Variants in RBM19 observed in about 807,000 individuals in gnomAD.
The protein encoded by RBM19 is probable RNA-binding protein 19.
A neutral mutation model predicts 116.8 loss-of-function variants in RBM19; 94 were observed. The ratio of observed to expected loss-of-function variants is 0.80; its 90% CI spans 0.68 to 0.95. The LOEUF (loss-of-function observed/expected upper bound fraction) is 0.95, where lower values mean the gene tolerates loss of function less well. RBM19 is among the 40% of genes least tolerant of loss of function. The pLI is 0.00. For synonymous variants in RBM19, 475 were observed against 494.1 expected (o/e 0.96, Z 0.51); for missense variants, 1,161 against 1,220.7 (o/e 0.95, Z 0.73).
intron 15 of RBM19, among the ~76,000 whole-genome samples, chr12:113,938,331 A>G (rs542711633): frequency 4.6e-5 from 7 of 152,264 alleles, no homozygotes; most frequent in South Asian, 4.1e-4. Context: ...CAGAGTCCCA[A>G]GCTAAAGACT....
At chr12:113,937,819 G>T (rs1220538805) in intron 15 of RBM19, among the ~76,000 whole-genome samples, 1 of 151,282 alleles carries the variant, frequency 6.6e-6, no homozygotes, top group East Asian at 1.9e-4. Flanking sequence ...AGACACTGAT[G>T]ACACCTGCCT....
chr12:113,875,122 G>T (rs1211755027), intron 21 of RBM19, among the ~76,000 whole-genome samples: 1 of 152,274 alleles, frequency 6.6e-6, no homozygotes, highest in African/African-American at 2.4e-5. Flanking sequence ...AGCGTTGGAG[G>T]CCTCCCAGGG....
At chr12:113,915,231 G>T in intron 20 of RBM19, 146 bp from the exon 21 acceptor site, 1 of 698,402 alleles carries the variant, frequency 1.4e-6, no homozygotes. Flanking sequence ...GAAAGGAGAG[G>T]AAGGCCGTCT....
intron 16 of RBM19, among the ~76,000 whole-genome samples, chr12:113,934,547 T>C (rs991541314): frequency 6.6e-6 from 1 of 152,176 alleles, no homozygotes; most frequent in Non-Finnish European, 1.5e-5. Context: ...GGCACGTTCA[T>C]GGGTGCTAGG....
At chr12:113,849,426 C>T (rs541476859) in intron 22 of RBM19, among the ~76,000 whole-genome samples, 1 of 152,372 alleles carries the variant, frequency 6.6e-6, no homozygotes, top group African/African-American at 2.4e-5. Context: ...CTTAGACGTC[C>T]TGCCACAGTT....
At chr12:113,941,067 GGGAATAAGTCTTA>G (rs1442746601) in intron 14 of RBM19, among the ~76,000 whole-genome samples, 2 of 152,320 alleles carry the variant, frequency 1.3e-5, no homozygotes, top group East Asian at 3.9e-4. Flanking sequence ...TGGCCTATCT[GGGAATAAGTCTTA>G]GCTCAGCCGC....
At chr12:113,907,402 A>C (rs1383080438) in intron 21 of RBM19, among the ~76,000 whole-genome samples, 1 of 152,200 alleles carries the variant, frequency 6.6e-6, no homozygotes, top group African/African-American at 2.4e-5. Flanking sequence ...ACGCCAGAGG[A>C]ATGCCAGGGG....
In RBM19 at chr12:113,955,224, A is replaced by G. The variant is rs1871823150; in HGVS notation, c.841-13T>C. Reference sequence around the variant, plus strand: ...CTGGTTTCTCTGTCTGAGTGATCACAAAAACAAACAGAAGTGGCCACACTA... The same window carrying G: ...CTGGTTTCTCTGTCTGAGTGATCACGAAAACAAACAGAAGTGGCCACACTA... On this transcript the variant is annotated splice_polypyrimidine_tract_variant and intron_variant, in intron 6 of 23. Coordinates refer to ENST00000261741, the MANE Select transcript of RBM19 (RefSeq NM_016196.4). 1 of 1,611,944 alleles carries G rather than the reference A, an allele frequency of 6.2e-7. No individual in the cohort carries two copies. The highest frequency in any genetic ancestry group is 1.3e-5 in the African/African-American group (1 of 74,880).
intron 11 of RBM19, among the ~76,000 whole-genome samples, chr12:113,947,021 T>C (rs1871083237): frequency 6.6e-6 from 1 of 152,206 alleles, no homozygotes; most frequent in Non-Finnish European, 1.5e-5. Context: ...TTCTTACTCC[T>C]CTTCTAAGGT....
intron 21 of RBM19, among the ~76,000 whole-genome samples, chr12:113,884,298 T>A (rs142349505): frequency 7.3e-6 from 1 of 137,298 alleles, no homozygotes; most frequent in Non-Finnish European, 1.5e-5. Context: ...AAAAAAAGTA[T>A]ACACACACAC....
At chr12:113,834,446 C>A (rs557795234) in intron 23 of RBM19, among the ~76,000 whole-genome samples, 8 of 152,282 alleles carry the variant, frequency 5.3e-5, no homozygotes, top group Admixed American at 5.2e-4. Context: ...ATAAGGGCAG[C>A]CACTTCAGAA....
chr12:113,927,478 A>C, intron 16 of RBM19: 5 of 451,500 alleles, frequency 1.1e-5, no homozygotes, highest in East Asian at 3.4e-5. Flanking sequence ...CAGCCCTCAA[A>C]TGGAGCCTTA....
chr12:113,839,306 T>C (rs745464465), intron 23 of RBM19, among the ~76,000 whole-genome samples: 48 of 152,354 alleles, frequency 3.2e-4, no homozygotes, highest in Non-Finnish European at 6.5e-4. Context: ...AGGCCTATTC[T>C]GAACATTTGA....
rs574987156 is a variant in RBM19 at position 113,862,314 on chromosome 12, G to C, written c.2559-3418C>G. On this transcript the variant is annotated intron_variant, in intron 21 of 23. Transcript: ENST00000261741. ...CCCCAGGAACTCAAAATCGAGGCGA[G>C]ATCTTTCTCATCCGGGCTGCTTCTC... Among the ~76,000 whole-genome samples, 7 of 152,296 alleles carry C rather than the reference G, an allele frequency of 4.6e-5. 1 individual carries two copies. In the South Asian group the frequency reaches 1.5e-3, roughly 32 times the overall value.
chr12:113,846,253 T>C (rs1461102593), intron 22 of RBM19, among the ~76,000 whole-genome samples: 1 of 152,208 alleles, frequency 6.6e-6, no homozygotes. Flanking sequence ...AGGGGTTTGC[T>C]GCTCTTGTTT....
chr12:113,893,846 T>C (rs1006887641), intron 21 of RBM19, among the ~76,000 whole-genome samples: 3 of 152,216 alleles, frequency 2.0e-5, no homozygotes, highest in African/African-American at 7.2e-5. Flanking sequence ...ACTTGCCAGA[T>C]TTCAAGTGCT....
At chr12:113,885,841 T>G (rs2135797025) in intron 21 of RBM19, among the ~76,000 whole-genome samples, 1 of 151,978 alleles carries the variant, frequency 6.6e-6, no homozygotes, top group African/African-American at 2.4e-5. Flanking sequence ...CATCATATGC[T>G]TTTATATTGC....
chr12:113,819,407 T>C (rs1179638033), downstream of RBM19, among the ~76,000 whole-genome samples: 1 of 152,200 alleles, frequency 6.6e-6, no homozygotes, highest in African/African-American at 2.4e-5. Context: ...CCCGGCTCTC[T>C]GGTGACCATA....
At chr12:113,966,042 G>A in intron 1 of RBM19, 150 bp downstream of exon 1, 2 of 833,986 alleles carry the variant, frequency 2.4e-6, no homozygotes, top group South Asian at 1.6e-5. Context: ...ATGGGGATAA[G>A]CCCAGGATCC....
Sources: gnomAD v4.1 joint callset for allele counts (sites outside exome capture counted in the v4.1 genomes callset) on GRCh38, gnomAD v4.1.1 for gene constraint, MANE v1.5 for transcripts, NCBI Gene and HGNC (gene_info 2026-07-23, HGNC 2026-07-21) for gene names.